The following RNF216 variants were observed in gnomAD, a reference collection of about 807,000 sequenced individuals.
The protein encoded by RNF216 is ring finger protein 216.
Under a neutral mutation model 110.8 loss-of-function variants are expected in RNF216, and 72 were observed. The observed-to-expected ratio is 0.65, with a 90% CI of 0.54 to 0.79. RNF216 has a LOEUF of 0.79. Ranked by LOEUF, RNF216 falls within the 30% of genes least tolerant of loss-of-function variation. The pLI is 0.00. For synonymous variants in RNF216, 495 were observed against 407.5 expected (o/e 1.21, Z -2.59); for missense variants, 1,342 against 1,141.2 (o/e 1.18, Z -2.54).
chr7:5,645,671 A>C (rs921062080), intron 14 of RNF216, among the ~76,000 whole-genome samples: 9 of 151,712 alleles, frequency 5.9e-5, no homozygotes, highest in Non-Finnish European at 1.2e-4. Context: ...GCTCACTGCA[A>C]CCTCCATCTG....
At chr7:5,748,185 T>A (rs957888974) in intron 3 of RNF216, among the ~76,000 whole-genome samples, 1 of 152,202 alleles carries the variant, frequency 6.6e-6, no homozygotes, top group Non-Finnish European at 1.5e-5. Context: ...TCTGATGAAC[T>A]ACTACATATA....
intron 3 of RNF216, among the ~76,000 whole-genome samples, chr7:5,749,366 G>C (rs1043233133): frequency 6.6e-6 from 1 of 152,076 alleles, no homozygotes; most frequent in Non-Finnish European, 1.5e-5. Context: ...GGCCAGGCTG[G>C]TCTCGAACTC....
At chr7:5,657,186 A>C (rs1345063911) in intron 13 of RNF216, among the ~76,000 whole-genome samples, 1 of 152,264 alleles carries the variant, frequency 6.6e-6, no homozygotes, top group East Asian at 1.9e-4. Flanking sequence ...GGGGGAGAGA[A>C]GTCACTGACA....
At chr7:5,732,833 A>C (rs1287703814) in intron 5 of RNF216, 1 of 152,252 alleles carries the variant, frequency 6.6e-6, no homozygotes, top group African/African-American at 2.4e-5. Flanking sequence ...TAGCAGTTCT[A>C]GAGAAGTCAC....
At chr7:5,673,473 C>T (rs1790058469) in intron 13 of RNF216, among the ~76,000 whole-genome samples, 1 of 152,202 alleles carries the variant, frequency 6.6e-6, no homozygotes, top group Non-Finnish European at 1.5e-5. Flanking sequence ...GCTCTAGAAG[C>T]CACTGCAGGT....
intron 13 of RNF216, among the ~76,000 whole-genome samples, chr7:5,688,223 T>A (rs1463817593): frequency 4.6e-5 from 7 of 152,224 alleles, no homozygotes. Context: ...ACTTTTATAT[T>A]GAGAGAAAAA....
At chr7:5,667,447 C>T (rs1789602444) in intron 13 of RNF216, among the ~76,000 whole-genome samples, 1 of 151,686 alleles carries the variant, frequency 6.6e-6, no homozygotes, top group Admixed American at 6.6e-5. Flanking sequence ...AAAACCAGCC[C>T]CATCTCTAGT....
In RNF216 at chr7:5,780,716, G is replaced by GA. The variant is rs534197303; in HGVS notation, c.-70+824dup. Among the ~76,000 whole-genome samples the GA allele has an allele frequency of 2.9e-3, 416 of 145,688 alleles. 3 individuals are homozygous for GA. The highest frequency in any genetic ancestry group is 0.015 in the South Asian group (70 of 4,602). On this transcript the variant is annotated intron_variant, in intron 1 of 16. Coordinates refer to ENST00000389902, the MANE Select transcript of RNF216 (RefSeq NM_207111.4). ...CAAGACTCCGTCTCAAAGAAAAGGA[G>GA]AAAAAAAAAAAAGTAAAAGAAAAAA...
intron 15 of RNF216, among the ~76,000 whole-genome samples, chr7:5,640,276 T>C (rs183553599): frequency 1.3e-5 from 2 of 152,302 alleles, no homozygotes; most frequent in Admixed American, 1.3e-4. Flanking sequence ...TTTTTTAGTC[T>C]GGCCTTGATG....
chr7:5,690,939 A>C (rs1464858543), intron 13 of RNF216, among the ~76,000 whole-genome samples: 1 of 152,206 alleles, frequency 6.6e-6, no homozygotes, highest in Non-Finnish European at 1.5e-5. Flanking sequence ...AGATGAGTCA[A>C]CTTGGACCCT....
chr7:5,699,946 C>T (rs533838319), intron 13 of RNF216, among the ~76,000 whole-genome samples: 2 of 152,346 alleles, frequency 1.3e-5, no homozygotes, highest in African/African-American at 4.8e-5. Flanking sequence ...TACCACATTG[C>T]AACTGGAATC....
intron 7 of RNF216, among the ~76,000 whole-genome samples, chr7:5,726,102 C>A (rs1483880100): frequency 2.6e-5 from 4 of 152,040 alleles, no homozygotes; most frequent in South Asian, 4.1e-4. Flanking sequence ...CATGGGGACA[C>A]CCCGTCTCTA....
intron 8 of RNF216, among the ~76,000 whole-genome samples, chr7:5,721,664 T>C (rs572654188): frequency 6.6e-6 from 1 of 152,206 alleles, no homozygotes; most frequent in East Asian, 1.9e-4. Flanking sequence ...CAGCAATGCA[T>C]GTGAGTTCCA....
chr7:5,686,787 C>T (rs1230131436), intron 13 of RNF216, among the ~76,000 whole-genome samples: 2 of 152,162 alleles, frequency 1.3e-5, no homozygotes, highest in African/African-American at 2.4e-5. Context: ...TATTTTTCCA[C>T]GGACAGGGCG....
In RNF216 at chr7:5,766,603, C is replaced by G. The variant is rs141844853; in HGVS notation, c.-69-5465G>C. The stretch of plus-strand genomic sequence containing the variant: ...GAGAACTAACCAGAATCCAACAATG[C>G]TGAAACTCTATTCTCAGACTTCCAA... On this transcript the variant is annotated intron_variant, in intron 1 of 16. Coordinates refer to ENST00000389902, the MANE Select transcript of RNF216 (RefSeq NM_207111.4). Among the ~76,000 whole-genome samples, 101 of 152,280 alleles carry G rather than the reference C, an allele frequency of 6.6e-4. 1 individual carries two copies. In the East Asian group the frequency reaches 0.019, roughly 28 times the overall value.
chr7:5,633,807 C>A (rs545014368), intron 15 of RNF216, among the ~76,000 whole-genome samples: 1 of 152,106 alleles, frequency 6.6e-6, no homozygotes, highest in African/African-American at 2.4e-5. Context: ...TTTCCAGAAA[C>A]GTGCTGCACT....
chr7:5,662,706 T>A (rs1789226361), intron 13 of RNF216: 1 of 152,134 alleles, frequency 6.6e-6, no homozygotes, highest in African/African-American at 2.4e-5. Context: ...CTTGTCCTCT[T>A]AGAGTCTACT....
At chr7:5,728,006 A>G (rs1394919943) in intron 7 of RNF216, among the ~76,000 whole-genome samples, 3 of 151,986 alleles carry the variant, frequency 2.0e-5, no homozygotes, top group African/African-American at 4.8e-5. Context: ...CAACCTCCCA[A>G]TGAATTATTT....
intron 13 of RNF216, among the ~76,000 whole-genome samples, chr7:5,694,736 C>T (rs909847407): frequency 4.6e-5 from 7 of 152,174 alleles, no homozygotes; most frequent in African/African-American, 9.7e-5. Flanking sequence ...TCTGTAGCTG[C>T]GTAGCTTGTG....
Sources: gnomAD v4.1 joint callset for allele counts (sites outside exome capture counted in the v4.1 genomes callset) on GRCh38, gnomAD v4.1.1 for gene constraint, MANE v1.5 for transcripts, NCBI Gene and HGNC (gene_info 2026-07-23, HGNC 2026-07-21) for gene names.